NUP214: variants seen among roughly 807,000 people sequenced by gnomAD.
The protein encoded by NUP214 is nucleoporin 214, also known as nuclear pore complex protein Nup214.
NUP214 carries 79 observed loss-of-function variants against 196.2 expected under a neutral mutation model. The observed-to-expected ratio is 0.40, with a 90% CI of 0.34 to 0.49. The LOEUF (loss-of-function observed/expected upper bound fraction) is 0.49, where lower values mean the gene tolerates loss of function less well. Ranked by LOEUF, NUP214 falls within the 20% of genes least tolerant of loss-of-function variation. NUP214 has a pLI of 0.58. For missense variants in NUP214, 2,468 were observed against 2,539.0 expected, an observed-to-expected ratio of 0.97 and a Z score of 0.60; for synonymous variants, 1,020 against 990.5, an observed-to-expected ratio of 1.03 and a Z score of -0.56.
intron 34 of NUP214, among the ~76,000 whole-genome samples, chr9:131,231,539 AT>A (rs1156886799): frequency 6.6e-6 from 1 of 151,660 alleles, no homozygotes; most frequent in Non-Finnish European, 1.5e-5. Flanking sequence ...TACCAAAGAA[AT>A]TACTGTCTTG....
intron 21 of NUP214, among the ~76,000 whole-genome samples, chr9:131,170,224 G>T (rs559088460): frequency 4.6e-5 from 7 of 152,110 alleles, no homozygotes; most frequent in Non-Finnish European, 8.8e-5. Flanking sequence ...CAGGAGAATC[G>T]CTTGAACCCG....
intron 29 of NUP214, among the ~76,000 whole-genome samples, chr9:131,200,761 T>A (rs1833918518): frequency 6.6e-6 from 1 of 151,538 alleles, no homozygotes; most frequent in African/African-American, 2.4e-5. Context: ...TCACTCCTTG[T>A]CTGGAGCTCT....
rs764146317 is a variant in NUP214, at chr9:131,197,503, C to T, written c.4009C>T (p.Leu1337=). 5.0e-6 allele frequency: 8 copies of T among 1,614,074 alleles called. No individual in the cohort carries two copies. In the Admixed American group the frequency reaches 5.0e-5, roughly 10 times the overall value. Residue 1337 remains leucine (L), a synonymous_variant, in exon 29 of 36, where the codon CTG becomes TTG. Coordinates refer to ENST00000359428, the MANE Select transcript of NUP214 (RefSeq NM_005085.4). ...AGAGACTCTGGGAAGTTTTTCAGGACTGCGGGTTGGCCAAGCAGATGATTC... is the reference window on the plus strand; with the variant it reads ...AGAGACTCTGGGAAGTTTTTCAGGATTGCGGGTTGGCCAAGCAGATGATTC... ...AGETLGSFSG[L]RVGQADDSTK...
chr9:131,144,491 T>C lies in NUP214; in HGVS notation c.1506T>C (p.Tyr502=), dbSNP rs767972486. The C allele has an allele frequency of 1.2e-6, 2 of 1,614,204 alleles. No homozygotes were observed. Among genetic ancestry groups the C allele is most frequent in the South Asian group, 2.2e-5 (2 of 91,074 alleles). ...CGGTCACTGGGGAGCCCCCTTCATATTCCAGTGGCTCCGACAGCTCCAAAG... is the reference window on the plus strand; with the variant it reads ...CGGTCACTGGGGAGCCCCCTTCATACTCCAGTGGCTCCGACAGCTCCAAAG... ...SATVTGEPPS[Y]SSGSDSSKAA... The change falls in exon 12 of 36, where the codon TAT becomes TAC. Residue 502 remains tyrosine (Y), a synonymous_variant. Transcript: ENST00000359428.
At chr9:131,150,086 A>G (rs1341117675) in intron 14 of NUP214, 2 of 411,026 alleles carry the variant, frequency 4.9e-6, no homozygotes, top group Non-Finnish European at 8.9e-6. Flanking sequence ...ATTATTCAAC[A>G]TGTCCCAGTA....
chr9:131,139,386 A>G lies in NUP214; in HGVS notation c.1111A>G (p.Asn371Asp), dbSNP rs752549400. The change falls in exon 10 of 36, where the codon AAC becomes GAC. Residue 371 changes from asparagine to aspartate, a missense_variant. Transcript: ENST00000359428. ...LPMGVVVDYT[N>D]QVEITISDEK... Reference sequence around the variant, plus strand: ...CATGGGAGTTGTCGTAGACTATACAAACCAAGTGGAAATCACCATCAGTAA... The same window carrying G: ...CATGGGAGTTGTCGTAGACTATACAGACCAAGTGGAAATCACCATCAGTAA... 1 of 1,607,052 alleles carries G rather than the reference A, an allele frequency of 6.2e-7. No individual in the cohort carries two copies.
At chr9:131,128,716 A>G in intron 3 of NUP214, 1 of 441,332 alleles carries the variant, frequency 2.3e-6, no homozygotes, top group Non-Finnish European at 4.0e-6. Context: ...GGCTTAGGTG[A>G]CTTGCCCAAA....
chr9:131,194,613 A>G (rs993942096), intron 27 of NUP214, among the ~76,000 whole-genome samples: 3 of 152,214 alleles, frequency 2.0e-5, no homozygotes, highest in Non-Finnish European at 2.9e-5. Flanking sequence ...CTTCACTTAC[A>G]GTGTAAAGAA....
At chr9:131,137,160 A>G (rs959253222) in intron 9 of NUP214, among the ~76,000 whole-genome samples, 1 of 152,244 alleles carries the variant, frequency 6.6e-6, no homozygotes, top group Admixed American at 6.5e-5. Context: ...CAAGTATTTC[A>G]TATGTTCACA....
At position 131,201,709 on chromosome 9, in the gene NUP214, T is replaced by G; in HGVS notation, c.5584T>G (p.Phe1862Val). The change falls in exon 30 of 36, where the codon TTT becomes GTT. Residue 1862 changes from phenylalanine (F) to valine (V), a missense_variant. This residue lies in a region of NUP214 where 262 missense variants were observed against 296.5 expected (regional missense o/e 0.88). Coordinates refer to ENST00000359428, the MANE Select transcript of NUP214 (RefSeq NM_005085.4). Reference sequence around the variant, plus strand: ...AGCAGCCAGTACTGGTGGAATAGTCTTTGGCCAGGTAAATATGCATTTGTC... The same window carrying G: ...AGCAGCCAGTACTGGTGGAATAGTCGTTGGCCAGGTAAATATGCATTTGTC... Reference protein sequence around the residue: ...GQAASTGGIVFGQQSSSSSGS... With the variant: ...GQAASTGGIVVGQQSSSSSGS... 1.2e-6 allele frequency: 2 copies of G among 1,613,728 alleles called. No homozygotes were observed. Among genetic ancestry groups the G allele is most frequent in the Middle Eastern group, 3.3e-4 (2 of 6,062 alleles).
intron 27 of NUP214, among the ~76,000 whole-genome samples, chr9:131,193,053 A>C (rs1833657086): frequency 6.6e-6 from 1 of 151,436 alleles, no homozygotes; most frequent in African/African-American, 2.4e-5. Context: ...GGTTTTATAT[A>C]GATGTGGAGG....
In NUP214 at chr9:131,127,531, A is replaced by C. The variant is rs867324041; in HGVS notation, c.53A>C (p.Gln18Pro). The change falls in exon 2 of 36, where the codon CAG (glutamine) becomes CCG (proline). Residue 18 changes from glutamine (Q) to proline (P), a missense_variant. By Grantham distance (76) the Gln-to-Pro change is moderately conservative (BLOSUM62 -1). Around this residue, in one of 5 missense-constraint regions of NUP214, gnomAD observed 392 missense variants for 417.9 expected, o/e 0.94. Transcript: ENST00000359428. ...TTTGATTCTTCACAACAGGATTTTC[A>C]GTTTAGAGCGCTAAAGAAGGTGAGA... Reference protein sequence around the residue: ...MIPEREMKDFQFRALKKVRIF... With the variant: ...MIPEREMKDFPFRALKKVRIF... 6.2e-7 allele frequency: 1 copy of C among 1,600,698 alleles called. No homozygotes were observed. The highest frequency in any genetic ancestry group is 8.5e-7 in the Non-Finnish European group (1 of 1,174,960).
intron 24 of NUP214, among the ~76,000 whole-genome samples, chr9:131,181,240 C>T (rs1203859203): frequency 5.3e-5 from 8 of 152,078 alleles, no homozygotes; most frequent in Non-Finnish European, 8.8e-5. Flanking sequence ...AGTTGAAGAG[C>T]GAGTCAGGGG....
chr9:131,229,579 C>G (rs1395878700), intron 33 of NUP214: 1 of 407,684 alleles, frequency 2.5e-6, no homozygotes, highest in South Asian at 1.8e-5. Flanking sequence ...ACACAAATCC[C>G]GATTGGCTGG....
chr9:131,145,206 C>T (rs148011045), intron 12 of NUP214, among the ~76,000 whole-genome samples: 2 of 152,202 alleles, frequency 1.3e-5, no homozygotes, highest in African/African-American at 4.8e-5. Context: ...TTCTGCTTGA[C>T]AGTCCCTATG....
At chr9:131,195,854 C>T (rs1003846879) in intron 28 of NUP214, among the ~76,000 whole-genome samples, 11 of 152,028 alleles carry the variant, frequency 7.2e-5, no homozygotes, top group Non-Finnish European at 1.0e-4. Flanking sequence ...GGAGAAACCC[C>T]GTGTCTACTA....
chr9:131,233,384 G>A, intron 35 of NUP214, 70 bp from the exon 36 acceptor site: 5 of 1,467,982 alleles, frequency 3.4e-6, no homozygotes, highest in Non-Finnish European at 3.7e-6. Flanking sequence ...CACACAGGCA[G>A]AGCAGCAGAG....
chr9:131,169,340 T>C (rs1029832694), intron 21 of NUP214, among the ~76,000 whole-genome samples: 2 of 152,094 alleles, frequency 1.3e-5, no homozygotes, highest in Non-Finnish European at 2.9e-5. Flanking sequence ...AGCCTCTGCT[T>C]ACATTTAAAT....
intron 9 of NUP214, 129 bp from the exon 10 acceptor site, chr9:131,139,152 C>T (rs1831829719): frequency 9.0e-7 from 1 of 1,114,992 alleles, no homozygotes; most frequent in East Asian, 3.1e-5. Context: ...ACACCTGAGT[C>T]TAAACCAAGT....
Sources: gnomAD v4.1 joint callset for allele counts (sites outside exome capture counted in the v4.1 genomes callset) on GRCh38, gnomAD v4.1.1 for gene constraint, gnomAD v4.1.1 regional missense constraint, MANE v1.5 for transcripts, NCBI Gene and HGNC (gene_info 2026-07-23, HGNC 2026-07-21) for gene names.